PHEX: variants seen among roughly 807,000 people sequenced by gnomAD.
PHEX encodes the protein phosphate-regulating neutral endopeptidase PHEX.
A neutral mutation model predicts 68.0 loss-of-function variants in PHEX; 16 were observed. That is an observed-to-expected ratio of 0.24 (90% CI 0.16 to 0.36). The LOEUF (loss-of-function observed/expected upper bound fraction) is 0.36, where lower values mean the gene tolerates loss of function less well. Among genes scored for constraint, PHEX ranks in the 10% least tolerant of loss-of-function variants. The pLI, the probability that PHEX is intolerant of heterozygous loss-of-function variation, is 1.00. For missense variants in PHEX, 480 were observed against 575.5 expected (o/e 0.83, Z 1.70); for synonymous variants, 208 against 205.1 (o/e 1.01, Z -0.12).
intron 12 of PHEX, among the ~76,000 whole-genome samples, chrX:22,134,082 T>G (rs1488507868): frequency 8.9e-6 from 1 of 112,023 alleles, no homozygotes; most frequent in Non-Finnish European, 1.9e-5. Context: ...AATCCTTTCC[T>G]GTAACCAAGC....
chrX:22,219,007 T>A, intron 16 of PHEX, 29 bp from the exon 17 acceptor site: 2 of 1,014,395 alleles, frequency 2.0e-6, no homozygotes, highest in Non-Finnish European at 2.8e-6. Context: ...TGCTTGTAAT[T>A]GTCTCCAAAT....
intron 5 of PHEX, among the ~76,000 whole-genome samples, chrX:22,082,730 T>C (rs1243494996): frequency 1.2e-4 from 13 of 112,242 alleles, no homozygotes. Context: ...CCGTTTGTCA[T>C]TTTTTGTTTT....
At chrX:22,136,177 G>GA (rs113212789) in intron 12 of PHEX, among the ~76,000 whole-genome samples, 28,170 of 102,799 alleles carry the variant, frequency 0.27, 2,914 homozygotes, top group Middle Eastern at 0.38. Flanking sequence ...CGTTGTTTTT[G>GA]AAAAAAAAAA....
At chrX:22,144,621 A>C (rs370727846) in intron 12 of PHEX, among the ~76,000 whole-genome samples, 1 of 111,101 alleles carries the variant, frequency 9.0e-6, no homozygotes, top group South Asian at 3.8e-4. Flanking sequence ...CCAACATATA[A>C]GGAATTTTAA....
At chrX:22,159,271 T>C (rs911917186) in intron 12 of PHEX, among the ~76,000 whole-genome samples, 1 of 113,419 alleles carries the variant, frequency 8.8e-6, no homozygotes, top group African/African-American at 3.2e-5. Flanking sequence ...TAGTAAGTTA[T>C]GGCCCTTGGG....
At chrX:22,107,341 A>G (rs756021688) in intron 9 of PHEX, among the ~76,000 whole-genome samples, 1 of 112,017 alleles carries the variant, frequency 8.9e-6, no homozygotes, top group Non-Finnish European at 1.9e-5. Flanking sequence ...ATATCTTTTG[A>G]ACTGATGAAA....
At chrX:22,064,023 C>T (rs1928490081) in intron 3 of PHEX, among the ~76,000 whole-genome samples, 1 of 112,692 alleles carries the variant, frequency 8.9e-6, no homozygotes, top group Admixed American at 9.4e-5. Context: ...GTAAGATGCA[C>T]CATTGTTTCA....
intron 9 of PHEX, among the ~76,000 whole-genome samples, chrX:22,108,920 C>T (rs187826858): frequency 4.5e-3 from 432 of 95,846 alleles, no homozygotes; most frequent in African/African-American, 0.016. Flanking sequence ...CCAGCTTGGG[C>T]GACAGAGCAA....
intron 12 of PHEX, among the ~76,000 whole-genome samples, chrX:22,136,935 G>A (rs1346703371): frequency 3.6e-5 from 4 of 111,938 alleles, no homozygotes; most frequent in South Asian, 7.4e-4. Flanking sequence ...ATTTAGTATC[G>A]TGAAATAAGC....
intron 12 of PHEX, chrX:22,162,700 A>C (rs1762957213): frequency 8.9e-6 from 1 of 112,264 alleles, no homozygotes; most frequent in Admixed American, 9.5e-5. Context: ...TTAGGATTAC[A>C]TTAGCTAATG....
chrX:22,181,814 A>C (rs1237298560), intron 14 of PHEX, among the ~76,000 whole-genome samples: 1 of 111,588 alleles, frequency 9.0e-6, no homozygotes, highest in Non-Finnish European at 1.9e-5. Context: ...GTTTATTCCT[A>C]GGTATTTTAT....
chrX:22,170,202 C>G (rs943857858), intron 13 of PHEX, among the ~76,000 whole-genome samples: 4 of 112,122 alleles, frequency 3.6e-5, no homozygotes, highest in Non-Finnish European at 7.5e-5. Flanking sequence ...AGATAAACCA[C>G]AGGTTAAACT....
chrX:22,230,568 GCT>G (rs1265946097), intron 20 of PHEX, among the ~76,000 whole-genome samples: 1 of 109,203 alleles, frequency 9.2e-6, no homozygotes, highest in African/African-American at 3.3e-5. Context: ...TCATGATTTG[GCT>G]CTCTGTTTGT....
At chrX:22,135,865 C>T (rs1569406917) in intron 12 of PHEX, among the ~76,000 whole-genome samples, 1 of 111,456 alleles carries the variant, frequency 9.0e-6, no homozygotes, top group African/African-American at 3.3e-5. Flanking sequence ...GCTAGTTCCA[C>T]GACAGGTACA....
chrX:22,179,545 G>T (rs772558907), intron 14 of PHEX, among the ~76,000 whole-genome samples: 4 of 107,806 alleles, frequency 3.7e-5, no homozygotes. Flanking sequence ...TGTCCTCATA[G>T]CTTAGCTCCC....
intron 11 of PHEX, 98 bp downstream of exon 11, chrX:22,114,684 T>G: frequency 5.5e-6 from 4 of 727,586 alleles, no homozygotes; most frequent in East Asian, 3.3e-5. Flanking sequence ...CAGGTGGTAG[T>G]GGCCTGTGGG....
At chrX:22,168,590 G>A (rs1200061235) in intron 13 of PHEX, among the ~76,000 whole-genome samples, 1 of 111,903 alleles carries the variant, frequency 8.9e-6, no homozygotes, top group Non-Finnish European at 1.9e-5. Context: ...AGAAGTGTCA[G>A]AAACGATGCG....
chrX:22,200,197 C>A (rs1157804354), intron 15 of PHEX, among the ~76,000 whole-genome samples: 2 of 112,427 alleles, frequency 1.8e-5, no homozygotes, highest in African/African-American at 6.5e-5. Flanking sequence ...ATGCAACTTG[C>A]AAAAGACTGC....
At chrX:22,123,137 C>T (rs770358925) in intron 11 of PHEX, among the ~76,000 whole-genome samples, 7 of 108,618 alleles carry the variant, frequency 6.4e-5, no homozygotes, top group Admixed American at 3.0e-4. Context: ...TACAGGTGTG[C>T]GCCATGATGC....
Sources: allele counts gnomAD v4.1 joint callset (sites outside exome capture counted in the v4.1 genomes callset), GRCh38; gene constraint gnomAD v4.1.1; transcripts MANE v1.5; gene names NCBI Gene and HGNC (gene_info 2026-07-23, HGNC 2026-07-21).